FN1: variants seen among roughly 807,000 people sequenced by gnomAD.
The protein encoded by FN1 is fibronectin 1.
Under a neutral mutation model 297.3 loss-of-function variants are expected in FN1, and 106 were observed. The ratio of observed to expected loss-of-function variants is 0.36; its 90% confidence interval spans 0.30 to 0.42. The LOEUF is 0.42. Ranked by LOEUF, FN1 falls within the 10% of genes least tolerant of loss-of-function variation. FN1 has a pLI of 1.00. For missense variants in FN1, 2,690 were observed against 3,124.9 expected (o/e 0.86, Z 3.32); for synonymous variants, 1,149 against 1,152.6 (o/e 1.00, Z 0.06).
chr2:215,401,294 G>A (rs901357316), intron 20 of FN1, among the ~76,000 whole-genome samples: 6 of 123,178 alleles, frequency 4.9e-5, no homozygotes, highest in African/African-American at 1.4e-4. Context: ...AGAAAAGAGA[G>A]AGAGAGAAAG....
chr2:215,399,195 C>G, intron 21 of FN1, 62 bp downstream of exon 21: 7 of 1,239,850 alleles, frequency 5.6e-6, no homozygotes, highest in Non-Finnish European at 8.1e-6. Flanking sequence ...GTTTCCACTA[C>G]ATGGGAACCA....
intron 20 of FN1, among the ~76,000 whole-genome samples, chr2:215,401,206 GAAA>G (rs760965191): frequency 0.025 from 743 of 29,946 alleles, 7 homozygotes; most frequent in South Asian, 0.049. Flanking sequence ...AGAAAAGAAA[GAAA>G]GAAAGAAAGA....
chr2:215,387,951 A>G (rs981339313), intron 27 of FN1, among the ~76,000 whole-genome samples: 7 of 152,230 alleles, frequency 4.6e-5, no homozygotes, highest in Non-Finnish European at 4.4e-5. Context: ...AAATCTAAAT[A>G]ACAAAGATCT....
rs187727220 is a variant in FN1, at chr2:215,364,648, C to A, written c.7251+231G>T. On this transcript the variant is annotated intron_variant, in intron 44 of 45. Coordinates refer to ENST00000354785, the MANE Select transcript of FN1 (RefSeq NM_212482.4). ...CAAGACTTGTGTTTTTGGTACTCTA[C>A]ATGCCATTCATTCATTCTTTCTACT... is the stretch of plus-strand genomic sequence containing the variant. 1.5e-4 allele frequency: 89 copies of A among 586,952 alleles called. 1 individual carries two copies. In the East Asian group the frequency reaches 2.3e-3, roughly 15 times the overall value. The allele number at this position is 586,952 out of a possible 1,614,324, so 36.4% of individuals were successfully genotyped here.
intron 6 of FN1, 22 bp from the exon 7 acceptor site, chr2:215,425,307 G>A: frequency 6.2e-7 from 1 of 1,611,920 alleles, no homozygotes; most frequent in South Asian, 1.1e-5. Context: ...AAAAGGGAAT[G>A]TCACAAAACT....
rs150142680 is a variant in FN1 at position 215,409,564 on chromosome 2, C to A, written c.2298G>T (p.Leu766=). Residue 766 remains leucine, a splice_region_variant and synonymous_variant, in exon 15 of 46, where the codon CTG becomes CTT. Transcript: ENST00000354785. ...LSEEGDEPQY[L]DLPSTATSVN... is the part of the protein sequence containing the mutation. ...TCTTGAGCGACATATTGAGCTTACC[C>A]AGGTACTGTGGCTCATCTCCCTCCT... The A allele has an allele frequency of 3.7e-6, 6 of 1,613,128 alleles. No individual in the cohort carries two copies. The highest frequency in any genetic ancestry group is 4.2e-6 in the Non-Finnish European group (5 of 1,179,986).
chr2:215,415,165 A>C (rs773797076), intron 12 of FN1, among the ~76,000 whole-genome samples: 4 of 152,224 alleles, frequency 2.6e-5, no homozygotes, highest in African/African-American at 4.8e-5. Context: ...TATTCTTCAC[A>C]TGAGAAATGC....
chr2:215,404,437 T>G lies in FN1; in HGVS notation c.3205A>C (p.Ile1069Leu). The change falls in exon 20 of 46, where the codon ATA (isoleucine) becomes CTA (leucine). Residue 1069 changes from isoleucine (I) to leucine (L), a missense_variant. This residue lies in a region of FN1 where 1,743 missense variants were observed against 1,945.2 expected (regional missense o/e 0.90). Coordinates refer to ENST00000354785, the MANE Select transcript of FN1 (RefSeq NM_212482.4). ...ASEYTVSLVA[I>L]KGNQESPKAT... is the part of the protein sequence containing the mutation. Reference sequence around the variant, plus strand: ...TTGGGGCTCTCTTGGTTGCCCTTTATGGCCACGAGGGATACGGTGTACTCA... The same window carrying G: ...TTGGGGCTCTCTTGGTTGCCCTTTAGGGCCACGAGGGATACGGTGTACTCA... 1 of 1,614,220 alleles carries G rather than the reference T, an allele frequency of 6.2e-7. No individual in the cohort carries two copies. The highest frequency in any genetic ancestry group is 1.1e-5 in the South Asian group (1 of 91,090).
intron 38 of FN1, among the ~76,000 whole-genome samples, chr2:215,373,894 G>C (rs1457198508): frequency 6.6e-6 from 1 of 151,982 alleles, no homozygotes; most frequent in African/African-American, 2.4e-5. Context: ...GTGTTAGCCA[G>C]GATGGTCTCG....
rs1469890873 is a variant in FN1, at chr2:215,397,723, A to G, written c.3474T>C (p.Asp1158=). 6.2e-7 allele frequency: 1 copy of G among 1,614,062 alleles called. No homozygotes were observed. The change falls in exon 22 of 46, where the codon GAT becomes GAC. Residue 1158 remains aspartate, a synonymous_variant. Coordinates refer to ENST00000354785, the MANE Select transcript of FN1 (RefSeq NM_212482.4). ...EYVYTIQVLR[D]GQERDAPIVN... is the part of the protein sequence containing the mutation. ...CAATTGGCGCATCTCTTTCCTGTCC[A>G]TCTCTCAGGACTTGGATGGTGTAGA...
Position 215,414,944 on chromosome 2 carries a change from C to A in FN1, c.1834G>T (p.Val612Phe), listed in dbSNP as rs1341144631. The A allele has an allele frequency of 6.2e-7, 1 of 1,613,632 alleles. No individual in the cohort carries two copies. The highest frequency in any genetic ancestry group is 8.5e-7 in the Non-Finnish European group (1 of 1,179,666). ...GGAGTCTCAGTGATAAATACTTCGA[C>A]AGGACCACTTGAGCCTGAAAATGAA... The part of the protein sequence containing the change: ...LQTYPSSSGP[V>F]EVFITETPSQ... Residue 612 changes from valine (V) to phenylalanine (F), a missense_variant, in exon 13 of 46, where the codon GTC becomes TTC. Physicochemically the swap from Val to Phe is conservative, Grantham distance 50. This residue lies in a region of FN1 where 876 missense variants were observed against 1,058.1 expected (regional missense o/e 0.83). Transcript: ENST00000354785.
intron 20 of FN1, among the ~76,000 whole-genome samples, chr2:215,402,387 G>C (rs1045672110): frequency 6.6e-6 from 1 of 152,162 alleles, no homozygotes; most frequent in Non-Finnish European, 1.5e-5. Context: ...AATAAAATTT[G>C]CCCTATCAAT....
Position 215,361,533 on chromosome 2 carries a change from TC to T in FN1, c.*21del. ...GATCTTGGCAGAGAGACATGCTTGT[TC>T]CTCTGGATTGGAAAGATGATTTACT... On this transcript the variant is annotated 3_prime_UTR_variant, in exon 46 of 46. Transcript: ENST00000354785. The T allele has an allele frequency of 6.5e-7, 1 of 1,527,260 alleles. No individual in the cohort carries two copies. The allele number at this position is 1,527,260 out of a possible 1,614,324, so 94.6% of individuals were successfully genotyped here.
chr2:215,378,050 C>A (rs945639162), intron 35 of FN1, 125 bp downstream of exon 35: 1 of 725,374 alleles, frequency 1.4e-6, no homozygotes, highest in Middle Eastern at 3.6e-4. Context: ...TCAAGTGACG[C>A]TCCCGCCTCA....
chr2:215,382,010 G>T, intron 32 of FN1: 1 of 555,106 alleles, frequency 1.8e-6, no homozygotes, highest in Non-Finnish European at 3.3e-6. Context: ...AACTATGGTG[G>T]TTTCACAACT....
Position 215,372,006 on chromosome 2 carries a change from GCTT to G in FN1, c.6614_6616del (p.Glu2205del). ...CCATGAGATGGTTGTCTGAGAGAGA[GCTT>G]CTTGTCCTGTAGAGGCATTTGGATT... On this transcript the variant is annotated inframe_deletion, in exon 40 of 46. Coordinates refer to ENST00000354785, the MANE Select transcript of FN1 (RefSeq NM_212482.4). 1 of 1,614,252 alleles carries G rather than the reference GCTT, an allele frequency of 6.2e-7. No homozygotes were observed. Among genetic ancestry groups the G allele is most frequent in the Non-Finnish European group, 8.5e-7 (1 of 1,180,036 alleles).
At position 215,361,490 on chromosome 2, in the gene FN1, A is replaced by G; in HGVS notation, c.*65T>C. The G allele has an allele frequency of 2.6e-6, 3 of 1,154,972 alleles. No homozygotes were observed. The highest frequency in any genetic ancestry group is 3.9e-6 in the Non-Finnish European group (3 of 760,190). 71.5% of individuals were successfully genotyped at this position (1,154,972 alleles called of 1,614,324 possible). On this transcript the variant is annotated 3_prime_UTR_variant, in exon 46 of 46. Transcript: ENST00000354785. ...AGAACTCTAAGCTGGGTCTGCTAAC[A>G]TCACTCCAGTTTAGATGGATCTTGG...
At position 215,392,916 on chromosome 2, in the gene FN1, G is replaced by C; in HGVS notation, c.4069+15C>G. 1 of 1,612,194 alleles carries C rather than the reference G, an allele frequency of 6.2e-7. No homozygotes were observed. The highest frequency in any genetic ancestry group is 2.2e-5 in the East Asian group (1 of 44,874). ...CACCATCTATGTCTCAAACGCAGAA[G>C]TTTTCAAAATTCACCCGTTTGTTGT... On this transcript the variant is annotated intron_variant, in intron 25 of 45. Transcript: ENST00000354785.
chr2:215,364,669 C>T (rs2054175208), intron 44 of FN1: 2 of 600,388 alleles, frequency 3.3e-6, no homozygotes, highest in Non-Finnish European at 6.0e-6. Context: ...TTCATTCTTT[C>T]TACTAAGAGT....
Sources: allele counts gnomAD v4.1 joint callset (sites outside exome capture counted in the v4.1 genomes callset), GRCh38; gene constraint gnomAD v4.1.1; regional missense constraint gnomAD v4.1.1; transcripts MANE v1.5; gene names NCBI Gene and HGNC (gene_info 2026-07-23, HGNC 2026-07-21).